ADAM19: variants seen among roughly 807,000 people sequenced by gnomAD.
ADAM19 encodes the protein disintegrin and metalloproteinase domain-containing protein 19.
In ADAM19, 65 loss-of-function variants were observed where a neutral mutation model predicts 114.7. That is an observed-to-expected ratio of 0.57 (90% CI 0.46 to 0.70). ADAM19 has a LOEUF of 0.70. Ranked by LOEUF, ADAM19 falls within the 30% of genes least tolerant of loss-of-function variation. The pLI, the probability that ADAM19 is intolerant of heterozygous loss-of-function variation, is 0.00. For synonymous variants in ADAM19, 466 were observed against 460.5 expected (o/e 1.01, Z -0.15); for missense variants, 1,063 against 1,204.7 (o/e 0.88, Z 1.74).
At chr5:157,509,242 T>C in intron 9 of ADAM19, 59 bp downstream of exon 9, 1 of 1,510,716 alleles carries the variant, frequency 6.6e-7, no homozygotes, top group Non-Finnish European at 9.0e-7. Flanking sequence ...GAGCATGTGC[T>C]GGGTGGGCAG....
intron 5 of ADAM19, 47 bp downstream of exon 5, chr5:157,530,760 T>C: frequency 1.3e-6 from 2 of 1,526,150 alleles, no homozygotes; most frequent in Non-Finnish European, 1.8e-6. Context: ...AAACTTCCAT[T>C]CCTGGGGAGA....
chr5:157,495,839 G>A (rs1162326989), intron 14 of ADAM19, among the ~76,000 whole-genome samples: 1 of 151,534 alleles, frequency 6.6e-6, no homozygotes, highest in Non-Finnish European at 1.5e-5. Context: ...TCACCATGTT[G>A]GCCAGGCTGG....
intron 12 of ADAM19, 124 bp downstream of exon 12, chr5:157,502,678 TA>T: frequency 9.8e-7 from 1 of 1,015,268 alleles, no homozygotes; most frequent in Non-Finnish European, 1.5e-6. Flanking sequence ...TTTCATGGGG[TA>T]TTGGACAGTT....
At chr5:157,531,071 G>T (rs1179723695) in intron 4 of ADAM19, among the ~76,000 whole-genome samples, 188 bp from the exon 5 acceptor site, 1 of 152,120 alleles carries the variant, frequency 6.6e-6, no homozygotes, top group Non-Finnish European at 1.5e-5. Flanking sequence ...CTAGGAGACG[G>T]GGCAGGGAAG....
At chr5:157,517,377 G>A (rs966067613) in intron 7 of ADAM19, among the ~76,000 whole-genome samples, 2 of 152,206 alleles carry the variant, frequency 1.3e-5, no homozygotes, top group African/African-American at 2.4e-5. Context: ...CACAGCGAGC[G>A]CTCAGCTCAT....
chr5:157,543,345 C>A (rs114882516), intron 3 of ADAM19, among the ~76,000 whole-genome samples: 1 of 152,154 alleles, frequency 6.6e-6, no homozygotes, highest in Non-Finnish European at 1.5e-5. Context: ...AGTATCACAG[C>A]GATGCTGAGG....
Position 157,523,444 on chromosome 5 carries a change from TG to T in ADAM19, c.408-3414del, listed in dbSNP as rs1331710036. On this transcript the variant is annotated intron_variant, in intron 5 of 22. Coordinates refer to ENST00000257527, the MANE Select transcript of ADAM19 (RefSeq NM_033274.5). ...GGTGGATCCCTCATGAATGGCTTGG[TG>T]CATCCTGGTGGTAATGAGAGAGTTT... Among the ~76,000 whole-genome samples, 4 of 152,156 alleles carry T rather than the reference TG, an allele frequency of 2.6e-5. No individual in the cohort carries two copies. In the East Asian group the frequency reaches 5.8e-4, roughly 22 times the overall value.
chr5:157,483,911 G>A (rs899977834), intron 21 of ADAM19, among the ~76,000 whole-genome samples: 3 of 151,462 alleles, frequency 2.0e-5, no homozygotes, highest in South Asian at 2.1e-4. Context: ...GGGATTACAC[G>A]TGTGAGCCAC....
At chr5:157,528,744 G>A (rs1001675178) in intron 5 of ADAM19, among the ~76,000 whole-genome samples, 5 of 152,120 alleles carry the variant, frequency 3.3e-5, no homozygotes, top group Admixed American at 6.6e-5. Context: ...TGGTTTCACC[G>A]ACGTAAGAGG....
intron 1 of ADAM19, 143 bp from the exon 2 acceptor site, chr5:157,571,123 TAG>T: frequency 1.6e-6 from 1 of 634,970 alleles, no homozygotes; most frequent in Non-Finnish European, 2.8e-6. Flanking sequence ...TCCTAGGAAC[TAG>T]GCACTCTAGG....
chr5:157,523,726 G>A (rs1561542757), intron 5 of ADAM19, among the ~76,000 whole-genome samples: 1 of 152,136 alleles, frequency 6.6e-6, no homozygotes, highest in South Asian at 2.1e-4. Flanking sequence ...CCAGCCTTAC[G>A]TATTCCTTTA....
At position 157,478,770 on chromosome 5, in the gene ADAM19, A is replaced by G. The variant is rs894218305; in HGVS notation, c.*2179T>C. ...AGGTGATATGAAAATAATAAAACAA[A>G]ACAAAACAAAAAGCAAGAAAACGAC... On this transcript the variant is annotated 3_prime_UTR_variant, in exon 23 of 23. Coordinates refer to ENST00000257527, the MANE Select transcript of ADAM19 (RefSeq NM_033274.5). 9.1e-6 allele frequency: 9 copies of G among 985,766 alleles called. No individual in the cohort carries two copies. Among genetic ancestry groups the G allele is most frequent in the Non-Finnish European group, 1.1e-5 (9 of 829,948 alleles). 61.1% of individuals were successfully genotyped at this position (985,766 alleles called of 1,614,324 possible). A position where few individuals can be genotyped will look rare whatever the true frequency, so the allele number is the denominator to read the frequency against.
At chr5:157,560,264 C>CAAAAAAAAA (rs35731498) in intron 3 of ADAM19, among the ~76,000 whole-genome samples, 1 of 51,708 alleles carries the variant, frequency 1.9e-5, no homozygotes, top group African/African-American at 6.3e-5. Flanking sequence ...GACTCCGTCT[C>CAAAAAAAAA]AAAAAAAAAA....
intron 2 of ADAM19, among the ~76,000 whole-genome samples, chr5:157,564,989 C>A (rs1014541661): frequency 2.8e-4 from 43 of 152,150 alleles, no homozygotes; most frequent in Non-Finnish European, 2.9e-5. Context: ...ACTAGGGGAT[C>A]CTCTTCGTAG....
At chr5:157,534,003 T>C (rs1432457938) in intron 4 of ADAM19, among the ~76,000 whole-genome samples, 8 of 152,150 alleles carry the variant, frequency 5.3e-5, no homozygotes, top group South Asian at 2.1e-4. Context: ...AACCCAGGGA[T>C]GGCTGTGAAG....
At chr5:157,498,975 T>C (rs1409906104) in intron 13 of ADAM19, among the ~76,000 whole-genome samples, 4 of 152,130 alleles carry the variant, frequency 2.6e-5, no homozygotes, top group African/African-American at 4.8e-5. Context: ...GGAAGAGAGA[T>C]TGTGGTTCTA....
At position 157,497,048 on chromosome 5, in the gene ADAM19, C is replaced by T; in HGVS notation, c.1440G>A (p.Gln480=). 2 of 1,556,164 alleles carry T rather than the reference C, an allele frequency of 1.3e-6. No individual in the cohort carries two copies. The highest frequency in any genetic ancestry group is 1.7e-6 in the Non-Finnish European group (2 of 1,156,512). The part of the protein sequence containing the change: ...PGTLCREQAR[Q]CDLPEFCTGK... ...CCGTACAGAACTCCGGGAGGTCACA[C>T]TGCCTGGCCTGCTCGCGGCACAGGG... is the stretch of plus-strand genomic sequence containing the variant. Residue 480 remains glutamine (Q), a synonymous_variant, in exon 14 of 23, where the codon CAG becomes CAA. Coordinates refer to ENST00000257527, the MANE Select transcript of ADAM19 (RefSeq NM_033274.5).
intron 3 of ADAM19, among the ~76,000 whole-genome samples, chr5:157,557,735 C>G (rs544492522): frequency 6.6e-6 from 1 of 152,128 alleles, no homozygotes; most frequent in Non-Finnish European, 1.5e-5. Context: ...TGTGTCTTCA[C>G]CTGGTGGAAA....
intron 2 of ADAM19, chr5:157,569,027 A>T (rs2113799296): frequency 6.6e-6 from 1 of 152,322 alleles, no homozygotes; most frequent in East Asian, 1.9e-4. Context: ...CTCTATAAAA[A>T]GTAGCAGGTC....
Sources: allele counts gnomAD v4.1 joint callset (sites outside exome capture counted in the v4.1 genomes callset), GRCh38; gene constraint gnomAD v4.1.1; transcripts MANE v1.5; gene names NCBI Gene and HGNC (gene_info 2026-07-23, HGNC 2026-07-21).